ARPIN: variants seen among roughly 807,000 people sequenced by gnomAD.
The protein encoded by ARPIN is actin related protein 2/3 complex inhibitor.
A neutral mutation model predicts 25.9 loss-of-function variants in ARPIN; 23 were observed. The observed-to-expected ratio is 0.89, with a 90% CI of 0.64 to 1.26. The LOEUF is 1.26. Ranked by LOEUF, ARPIN falls within the 50% of genes most tolerant of loss-of-function variation. The pLI is 0.00. For missense variants in ARPIN, 333 were observed against 312.2 expected (o/e 1.07, Z -0.50); for synonymous variants, 126 against 131.4 (o/e 0.96, Z 0.28).
In ARPIN at chr15:89,895,377, G is replaced by A. The variant is rs1404700836; in HGVS notation, c.*6418C>T. 1.3e-5 allele frequency: 2 copies of A among 152,214 alleles called. No individual in the cohort carries two copies. The highest frequency in any genetic ancestry group is 4.8e-5 in the African/African-American group (2 of 41,456). 9.4% of individuals were successfully genotyped at this position (152,214 alleles called of 1,614,324 possible). A position where few individuals can be genotyped will look rare whatever the true frequency, so the allele number is the denominator to read the frequency against. On this transcript the variant is annotated 3_prime_UTR_variant, in exon 6 of 6. Transcript: ENST00000357484. ...ACACCAAAATATGAATCATGTATCT[G>A]ATGGAATGGCAGAGTCAGGGTGTTT...
rs759994780 is a variant in ARPIN, at chr15:89,910,748, C to T, written c.164G>A (p.Arg55Lys). 8.1e-6 allele frequency: 13 copies of T among 1,614,146 alleles called. No homozygotes were observed. The Admixed American group carries it at 2.2e-4, about 27-fold the overall frequency. ...GCACCGAGGAAGCATCCTCACCTTC[C>T]TGCCATGAGTGTCCAAGATGCTGTG... The part of the protein sequence containing the change: ...SRHSILDTHG[R>K]KERYYVLYIR... Residue 55 changes from arginine (R) to lysine (K), a missense_variant, in exon 2 of 6, where the codon AGG becomes AAG. Coordinates refer to ENST00000357484, the MANE Select transcript of ARPIN (RefSeq NM_182616.4).
rs1896997763 is a variant in ARPIN, at chr15:89,900,347, ACT to A, written c.*1446_*1447del. The A allele has an allele frequency of 6.6e-6, 1 of 152,192 alleles. No homozygotes were observed. Among genetic ancestry groups the A allele is most frequent in the Non-Finnish European group, 1.5e-5 (1 of 68,070 alleles). The allele number at this position is 152,192 out of a possible 1,614,324, so 9.4% of individuals were successfully genotyped here. ...GATTCTGCTACTCATTAGCTGTGTG[ACT>A]CTGGGCAGGTTGCTTAACCTGTCTG... On this transcript the variant is annotated 3_prime_UTR_variant, in exon 6 of 6. Transcript: ENST00000357484.
intron 1 of ARPIN, chr15:89,912,538 A>T (rs1473244129): frequency 7.6e-7 from 1 of 1,321,620 alleles, no homozygotes; most frequent in Non-Finnish European, 9.6e-7. Context: ...GGGGAGCTTT[A>T]AGCCGATCTG....
At position 89,912,830 on chromosome 15, in the gene ARPIN, G is replaced by T; in HGVS notation, c.6C>A (p.Ser2Arg). The T allele has an allele frequency of 6.6e-7, 1 of 1,522,130 alleles. No homozygotes were observed. The allele number at this position is 1,522,130 out of a possible 1,614,324, so 94.3% of individuals were successfully genotyped here. Residue 2 changes from serine (S) to arginine (R), a missense_variant, in exon 1 of 6, where the codon AGC (serine) becomes AGA (arginine). Physicochemically the swap from Ser to Arg is moderately radical, Grantham distance 110 (BLOSUM62 -1). Coordinates refer to ENST00000357484, the MANE Select transcript of ARPIN (RefSeq NM_182616.4). M[S>R]RIYHDGALRN... ...GGAGCGCGCCGTCGTGGTAGATGCG[G>T]CTCATTCTCCCGACCGCCCGGGCAC... is the stretch of plus-strand genomic sequence containing the variant.
intron 5 of ARPIN, 97 bp from the exon 6 acceptor site, chr15:89,901,900 C>G: frequency 1.4e-6 from 2 of 1,447,446 alleles, no homozygotes; most frequent in Non-Finnish European, 1.9e-6. Flanking sequence ...TGCGTGGTAC[C>G]TGTGGGGCCC....
At position 89,903,243 on chromosome 15, in the gene ARPIN, C is replaced by T. The variant is rs759085771; in HGVS notation, c.645G>A (p.Gln215=). 2 of 1,614,266 alleles carry T rather than the reference C, an allele frequency of 1.2e-6. No homozygotes were observed. The highest frequency in any genetic ancestry group is 1.3e-5 in the African/African-American group (1 of 75,064). The change falls in exon 5 of 6, where the codon CAG becomes CAA. Residue 215 remains glutamine (Q), a synonymous_variant. Transcript: ENST00000357484. ...ACTCCTCGTCCTCTGCCCCATCCCC[C>T]TGCTCTCGGATCTCCGCTGCAGCCC... ...SKGAAAEIRE[Q]GDGAEDEEWD...
At chr15:89,912,325 C>G (rs1897238639) in intron 1 of ARPIN, 1 of 1,003,388 alleles carries the variant, frequency 1.0e-6, no homozygotes, top group Non-Finnish European at 1.2e-6. Flanking sequence ...CTGCTCTGGA[C>G]CAGCCCGCCC....
intron 1 of ARPIN, chr15:89,912,393 A>G (rs1191069554): frequency 9.2e-7 from 1 of 1,085,500 alleles, no homozygotes; most frequent in East Asian, 6.8e-5. Context: ...GAGTCTGTGC[A>G]AAAGCAGCGC....
In ARPIN at chr15:89,895,440, C is replaced by G. The variant is rs1184081385; in HGVS notation, c.*6355G>C. On this transcript the variant is annotated 3_prime_UTR_variant, in exon 6 of 6. Transcript: ENST00000357484. Reference sequence around the variant, plus strand: ...ACCCTGGAACCACACTGCCCTGATTCAAAGCATGGTTCTGCGGACTGCCTG... The same window carrying G: ...ACCCTGGAACCACACTGCCCTGATTGAAAGCATGGTTCTGCGGACTGCCTG... The G allele has an allele frequency of 1.3e-5, 2 of 152,228 alleles. No homozygotes were observed. Among genetic ancestry groups the G allele is most frequent in the African/African-American group, 4.8e-5 (2 of 41,448 alleles). The allele number at this position is 152,228 out of a possible 1,614,324, so 9.4% of individuals were successfully genotyped here.
Position 89,912,864 on chromosome 15 carries a change from A to G in ARPIN, c.-29T>C. The G allele has an allele frequency of 6.6e-7, 1 of 1,510,476 alleles. No homozygotes were observed. Among genetic ancestry groups the G allele is most frequent in the East Asian group, 2.7e-5 (1 of 36,498 alleles). The allele number at this position is 1,510,476 out of a possible 1,614,324, so 93.6% of individuals were successfully genotyped here. A position where few individuals can be genotyped will look rare whatever the true frequency, so the allele number is the denominator to read the frequency against. On this transcript the variant is annotated 5_prime_UTR_variant, in exon 1 of 6. Coordinates refer to ENST00000357484, the MANE Select transcript of ARPIN (RefSeq NM_182616.4). ...CCCGACCGCCCGGGCACCCCGGCAC[A>G]GAGCCGGCGCACTGGGCTGGGGGCG... is the stretch of plus-strand genomic sequence containing the variant.
intron 1 of ARPIN, chr15:89,912,349 C>T (rs1304383702): frequency 9.9e-7 from 1 of 1,012,674 alleles, no homozygotes; most frequent in Admixed American, 5.9e-5. Context: ...GTTCCCGCCA[C>T]AGCACGGCCA....
At chr15:89,909,526 G>A (rs1897187015) in intron 2 of ARPIN, among the ~76,000 whole-genome samples, 2 of 152,232 alleles carry the variant, frequency 1.3e-5, no homozygotes, top group Non-Finnish European at 2.9e-5. Flanking sequence ...AGTGGGCTTG[G>A]TTCAGGACAG....
Position 89,908,345 on chromosome 15 carries a change from T to C in ARPIN, c.236A>G (p.Asn79Ser), listed in dbSNP as rs1335942539. The stretch of plus-strand genomic sequence containing the variant: ...GGCGCTGAAGTTGGGCTCGATTTCA[T>C]TTCCCTTGGCGTCGAATTTACGGCG... Reference protein sequence around the residue: ...IHRRKFDAKGNEIEPNFSATR... With the variant: ...IHRRKFDAKGSEIEPNFSATR... The change falls in exon 3 of 6, where the codon AAT becomes AGT. Residue 79 changes from asparagine to serine, a missense_variant. Transcript: ENST00000357484. 1.9e-6 allele frequency: 3 copies of C among 1,614,012 alleles called. No individual in the cohort carries two copies. The highest frequency in any genetic ancestry group is 2.5e-6 in the Non-Finnish European group (3 of 1,180,024).
intron 3 of ARPIN, among the ~76,000 whole-genome samples, chr15:89,904,839 A>G (rs574991313): frequency 6.6e-6 from 1 of 152,086 alleles, no homozygotes; most frequent in South Asian, 2.1e-4. Flanking sequence ...ATGGTGTACA[A>G]CCTCAGCCAA....
chr15:89,903,625 GC>G, intron 4 of ARPIN, 151 bp downstream of exon 4: 2 of 1,372,224 alleles, frequency 1.5e-6, no homozygotes, highest in Admixed American at 4.8e-5. Flanking sequence ...GGGCACTTGT[GC>G]AGGGATTTAG....
In ARPIN at chr15:89,897,923, A is replaced by C. The variant is rs948866942; in HGVS notation, c.*3872T>G. 2.0e-5 allele frequency: 3 copies of C among 152,006 alleles called. No homozygotes were observed. Among genetic ancestry groups the C allele is most frequent in the Non-Finnish European group, 4.4e-5 (3 of 68,026 alleles). The allele number at this position is 152,006 out of a possible 1,614,324, so 9.4% of individuals were successfully genotyped here. ...AGACCAGCCTAGCCAACATGGTGAA[A>C]TCGCATCTCTACTAAAAGTACAAAA... On this transcript the variant is annotated 3_prime_UTR_variant, in exon 6 of 6. Coordinates refer to ENST00000357484, the MANE Select transcript of ARPIN (RefSeq NM_182616.4).
chr15:89,897,519 T>G lies in ARPIN; in HGVS notation c.*4276A>C, dbSNP rs1896948979. ...GAAGAAGAAAAATGGTTACAAAGAC[T>G]ATGCAGCAATATGGAAAGTGATTAT... On this transcript the variant is annotated 3_prime_UTR_variant, in exon 6 of 6. Transcript: ENST00000357484. 1 of 152,090 alleles carries G rather than the reference T, an allele frequency of 6.6e-6. No homozygotes were observed. Among genetic ancestry groups the G allele is most frequent in the Non-Finnish European group, 1.5e-5 (1 of 68,030 alleles). 9.4% of individuals were successfully genotyped at this position (152,090 alleles called of 1,614,324 possible).
Position 89,910,785 on chromosome 15 carries a change from C to G in ARPIN, c.127G>C (p.Asp43His). The G allele has an allele frequency of 1.2e-6, 2 of 1,614,162 alleles. No homozygotes were observed. The highest frequency in any genetic ancestry group is 2.2e-5 in the East Asian group (1 of 44,890). ...NGVLLEGELI[D>H]VSRHSILDTH... ...TCCAAGATGCTGTGCCGAGATACATCGATCAGTTCTCCCTCCAGCAGGACA... is the reference window on the plus strand; with the variant it reads ...TCCAAGATGCTGTGCCGAGATACATGGATCAGTTCTCCCTCCAGCAGGACA... The change falls in exon 2 of 6, where the codon GAT (aspartate) becomes CAT (histidine). Residue 43 changes from aspartate to histidine, a missense_variant. Physicochemically the swap from Asp to His is moderately conservative, Grantham distance 81 (BLOSUM62 -1). Transcript: ENST00000357484.
intron 5 of ARPIN, 51 bp downstream of exon 5, chr15:89,903,165 T>C (rs567248804): frequency 4.3e-6 from 7 of 1,614,132 alleles, no homozygotes; most frequent in South Asian, 1.1e-5. Flanking sequence ...TCAACCAGTA[T>C]GTACCATGCT....
Sources: allele counts gnomAD v4.1 joint callset (sites outside exome capture counted in the v4.1 genomes callset), GRCh38; gene constraint gnomAD v4.1.1; transcripts MANE v1.5; gene names NCBI Gene and HGNC (gene_info 2026-07-23, HGNC 2026-07-21).